CFAP61: variants seen among roughly 807,000 people sequenced by gnomAD.
CFAP61 encodes the protein cilia and flagella associated protein 61, also known as cilia- and flagella-associated protein 61.
CFAP61 carries 107 observed loss-of-function variants against 135.6 expected under a neutral mutation model. That is an observed-to-expected ratio of 0.79 (90% CI 0.67 to 0.93). The LOEUF is 0.93. Ranked by LOEUF, CFAP61 falls within the 40% of genes least tolerant of loss-of-function variation. The pLI is 0.00. For missense variants in CFAP61, 1,507 were observed against 1,556.2 expected (o/e 0.97, Z 0.53); for synonymous variants, 575 against 578.5 (o/e 0.99, Z 0.09).
chr20:20,052,772 G>A (rs1040661737), intron 1 of CFAP61, 181 bp downstream of exon 1: 8 of 1,523,768 alleles, frequency 5.3e-6, no homozygotes, highest in African/African-American at 1.4e-5. Flanking sequence ...GAGGGCGGGG[G>A]AAGAAGGGAG....
chr20:20,227,344 C>T (rs2048811352), intron 17 of CFAP61, among the ~76,000 whole-genome samples: 1 of 152,196 alleles, frequency 6.6e-6, no homozygotes, highest in African/African-American at 2.4e-5. Flanking sequence ...CTTCTGGTCA[C>T]CATTGTTTCC....
chr20:20,264,441 A>G (rs2052537766), intron 21 of CFAP61, among the ~76,000 whole-genome samples: 1 of 152,218 alleles, frequency 6.6e-6, no homozygotes, highest in South Asian at 2.1e-4. Context: ...GATTTTTTAA[A>G]TGTCATAAAG....
intron 17 of CFAP61, among the ~76,000 whole-genome samples, chr20:20,222,774 T>C (rs2048487648): frequency 6.6e-6 from 1 of 152,232 alleles, no homozygotes; most frequent in Non-Finnish European, 1.5e-5. Context: ...CTTTATTTAT[T>C]TGTAATATTG....
chr20:20,063,893 G>A (rs921126459), intron 2 of CFAP61, among the ~76,000 whole-genome samples: 4 of 152,084 alleles, frequency 2.6e-5, no homozygotes, highest in Admixed American at 1.3e-4. Flanking sequence ...TACTAACAAT[G>A]AACAGAAAAC....
chr20:20,101,903 C>A (rs1337637350), intron 8 of CFAP61, among the ~76,000 whole-genome samples: 1 of 152,182 alleles, frequency 6.6e-6, no homozygotes, highest in Non-Finnish European at 1.5e-5. Flanking sequence ...GCTGGGATTA[C>A]AGGAGTAAGC....
At chr20:20,142,360 G>C (rs2051472813) in intron 8 of CFAP61, among the ~76,000 whole-genome samples, 1 of 152,228 alleles carries the variant, frequency 6.6e-6, no homozygotes, top group Admixed American at 6.5e-5. Context: ...AGAGAAAGCA[G>C]CCCTTGTGCT....
At chr20:20,320,019 A>G (rs1235130030) in intron 25 of CFAP61, among the ~76,000 whole-genome samples, 1 of 152,120 alleles carries the variant, frequency 6.6e-6, no homozygotes, top group Non-Finnish European at 1.5e-5. Context: ...ATAGAGGAAC[A>G]TGTAAAACAT....
At chr20:20,339,018 C>T (rs912879965) in intron 25 of CFAP61, among the ~76,000 whole-genome samples, 2 of 152,192 alleles carry the variant, frequency 1.3e-5, no homozygotes, top group African/African-American at 4.8e-5. Flanking sequence ...ACAGTAATGT[C>T]TTCTATTTCA....
Position 20,099,607 on chromosome 20 carries a change from A to C in CFAP61, c.859+793A>C, listed in dbSNP as rs147022357. Among the ~76,000 whole-genome samples the C allele has an allele frequency of 5.0e-4, 76 of 152,202 alleles. 1 individual carries two copies. Among genetic ancestry groups the C allele is most frequent in the African/African-American group, 1.7e-3 (71 of 41,506 alleles). The stretch of plus-strand genomic sequence containing the variant: ...GGGGGGGTTGTGAAGTTTCACTGAG[A>C]TAAGCCATGTAGAGTGCTTTGCACA... On this transcript the variant is annotated intron_variant, in intron 8 of 26. Transcript: ENST00000245957.
chr20:20,339,233 A>G (rs1569313170), intron 25 of CFAP61, among the ~76,000 whole-genome samples: 1 of 152,056 alleles, frequency 6.6e-6, no homozygotes, highest in Non-Finnish European at 1.5e-5. Flanking sequence ...AAATTGGGGG[A>G]AAAAGTTAAT....
intron 8 of CFAP61, among the ~76,000 whole-genome samples, chr20:20,118,275 T>G (rs1435156982): frequency 6.9e-6 from 1 of 144,352 alleles, no homozygotes; most frequent in Admixed American, 7.1e-5. Context: ...CTTTCTTTCT[T>G]TCTTTCTTTC....
intron 17 of CFAP61, among the ~76,000 whole-genome samples, chr20:20,222,174 T>C (rs530069306): frequency 6.2e-4 from 95 of 152,324 alleles, no homozygotes; most frequent in African/African-American, 2.2e-3. Context: ...TTTTCTAATA[T>C]AAATGTTTAA....
chr20:20,327,777 C>CAAAAAAAAAAAAAAAAAAAA lies in CFAP61; in HGVS notation c.3423-14045_3423-14026dup, dbSNP rs60171844. Among the ~76,000 whole-genome samples the CAAAAAAAAAAAAAAAAAAAA allele has an allele frequency of 8.1e-4, 49 of 60,344 alleles. 5 individuals are homozygous for CAAAAAAAAAAAAAAAAAAAA. The highest frequency in any genetic ancestry group is 2.9e-3 in the African/African-American group (46 of 15,786). 39.6% of individuals were successfully genotyped at this position (60,344 alleles called of 152,430 possible). ...CCTGGGCAACAGAGCAAGAGCCTGTCAAAAAAAAAAAAAAAAAAAAAAAAA... is the reference window on the plus strand; with the variant it reads ...CCTGGGCAACAGAGCAAGAGCCTGTCAAAAAAAAAAAAAAAAAAAAAAAAAAAAAAAAAAAAAAAAAAAAA... On this transcript the variant is annotated intron_variant, in intron 25 of 26. Transcript: ENST00000245957.
intron 1 of CFAP61, among the ~76,000 whole-genome samples, chr20:20,055,198 T>C (rs1453508137): frequency 6.6e-6 from 1 of 152,238 alleles, no homozygotes; most frequent in Admixed American, 6.5e-5. Context: ...TTTCTCTTTC[T>C]ATATTTCTTT....
chr20:20,186,276 G>A (rs769192857), intron 13 of CFAP61, among the ~76,000 whole-genome samples: 2 of 152,152 alleles, frequency 1.3e-5, no homozygotes, highest in South Asian at 2.1e-4. Context: ...TACACAACAC[G>A]TGGCCTTTTG....
intron 4 of CFAP61, among the ~76,000 whole-genome samples, chr20:20,074,656 G>A (rs1470879037): frequency 6.6e-6 from 1 of 152,222 alleles, no homozygotes; most frequent in Non-Finnish European, 1.5e-5. Context: ...GAAGAATTAA[G>A]TGTCGCAAGC....
chr20:20,350,330 A>G (rs1376258442), intron 26 of CFAP61, among the ~76,000 whole-genome samples: 1 of 152,210 alleles, frequency 6.6e-6, no homozygotes, highest in Non-Finnish European at 1.5e-5. Context: ...TTCTAAATAT[A>G]TATCCAAAAG....
intron 25 of CFAP61, among the ~76,000 whole-genome samples, chr20:20,305,762 C>G (rs1569274392): frequency 1.3e-5 from 2 of 152,220 alleles, no homozygotes; most frequent in Non-Finnish European, 1.5e-5. Flanking sequence ...TTGCTTCCCA[C>G]TCATTCAATT....
At chr20:20,114,521 T>TCC (rs2049007488) in intron 8 of CFAP61, among the ~76,000 whole-genome samples, 1 of 152,224 alleles carries the variant, frequency 6.6e-6, no homozygotes, top group Non-Finnish European at 1.5e-5. Context: ...TCCTAGATAT[T>TCC]TGATATTTTT....
Sources: allele counts gnomAD v4.1 joint callset (sites outside exome capture counted in the v4.1 genomes callset), GRCh38; gene constraint gnomAD v4.1.1; transcripts MANE v1.5; gene names NCBI Gene and HGNC (gene_info 2026-07-23, HGNC 2026-07-21).